Variants in TFRC observed in about 807,000 individuals in gnomAD.
The protein encoded by TFRC is transferrin receptor protein 1.
Under a neutral mutation model 85.8 loss-of-function variants are expected in TFRC, and 35 were observed. The observed-to-expected ratio is 0.41, with a 90% CI of 0.31 to 0.54. TFRC has a LOEUF of 0.54. TFRC is among the 20% of genes least tolerant of loss of function. The pLI, the probability that TFRC is intolerant of heterozygous loss-of-function variation, is 0.31. For missense variants in TFRC, 828 were observed against 921.5 expected (o/e 0.90, Z 1.31); for synonymous variants, 362 against 328.6 (o/e 1.10, Z -1.10).
At chr3:196,072,986 G>T (rs1055514759) in intron 4 of TFRC, 1 of 147,998 alleles carries the variant, frequency 6.8e-6, no homozygotes, top group African/African-American at 2.5e-5. Flanking sequence ...GATCATCTGA[G>T]GTCAGGAGTT....
chr3:196,053,383 T>C, intron 18 of TFRC, 35 bp downstream of exon 18: 3 of 1,612,616 alleles, frequency 1.9e-6, no homozygotes, highest in Non-Finnish European at 2.5e-6. Context: ...ATTTTACACA[T>C]ACTTTAGTTC....
chr3:196,062,538 A>G (rs776047338), intron 13 of TFRC, 44 bp downstream of exon 13: 28 of 1,563,830 alleles, frequency 1.8e-5, no homozygotes, highest in Non-Finnish European at 2.2e-5. Context: ...CATCTCAAAA[A>G]AGTTTACCTG....
chr3:196,080,564 G>A (rs1719083633), intron 1 of TFRC, among the ~76,000 whole-genome samples: 2 of 152,238 alleles, frequency 1.3e-5, no homozygotes, highest in Admixed American at 6.5e-5. Context: ...CTAGCATTGT[G>A]ATCGATTCAG....
rs1303977246 is a variant in TFRC, at chr3:196,071,499, C to CTTAATCT, written c.585-2_585-1insAGATTAA. 1 of 1,613,704 alleles carries CTTAATCT rather than the reference C, an allele frequency of 6.2e-7. No individual in the cohort carries two copies. Among genetic ancestry groups the CTTAATCT allele is most frequent in the Non-Finnish European group, 8.5e-7 (1 of 1,179,810 alleles). Reference sequence around the variant, plus strand: ...AACTATGATCACCGAGTTTTGAGCGCTGTTAAAAAGATTAAGTTAAAATAA... The same window carrying CTTAATCT: ...AACTATGATCACCGAGTTTTGAGCGCTTAATCTTGTTAAAAAGATTAAGTTAAAATAA... On this transcript the variant is annotated splice_acceptor_variant, in intron 5 of 18. Coordinates refer to ENST00000360110, the MANE Select transcript of TFRC (RefSeq NM_001128148.3). LOFTEE classifies it high-confidence loss of function.
At chr3:196,077,866 G>A (rs935727881) in intron 1 of TFRC, among the ~76,000 whole-genome samples, 3 of 152,164 alleles carry the variant, frequency 2.0e-5, no homozygotes, top group Non-Finnish European at 4.4e-5. Context: ...AAGAAATACT[G>A]ATCCTGACTG....
rs1222040064 is a variant in TFRC, at chr3:196,073,987, T to C, written c.377A>G (p.Asp126Gly). The change falls in exon 4 of 19, where the codon GAC becomes GGC. Residue 126 changes from aspartate (D) to glycine (G), a missense_variant. Coordinates refer to ENST00000360110, the MANE Select transcript of TFRC (RefSeq NM_001128148.3). ...TTTCTCCGACAACTTTCTCTTCAGGTCATCCCAATATAAGCGACGTGCTGC... is the reference window on the plus strand; with the variant it reads ...TTTCTCCGACAACTTTCTCTTCAGGCCATCCCAATATAAGCGACGTGCTGC... ...FPAARRLYWD[D>G]LKRKLSEKLD... 1 of 1,614,054 alleles carries C rather than the reference T, an allele frequency of 6.2e-7. No homozygotes were observed. Among genetic ancestry groups the C allele is most frequent in the Non-Finnish European group, 8.5e-7 (1 of 1,180,040 alleles).
Position 196,075,193 on chromosome 3 carries a change from A to G in TFRC, c.204T>C (p.Tyr68=). 1 of 1,614,234 alleles carries G rather than the reference A, an allele frequency of 6.2e-7. No homozygotes were observed. Among genetic ancestry groups the G allele is most frequent in the Non-Finnish European group, 8.5e-7 (1 of 1,180,042 alleles). The change falls in exon 3 of 19, where the codon TAT becomes TAC. Residue 68 remains tyrosine, a synonymous_variant. Transcript: ENST00000360110. The stretch of plus-strand genomic sequence containing the variant: ...AAAAGACGATCACAGCAATAGTCCC[A>G]TAGCAGATACTTCCACTACACCTTT... ...KPKRCSGSIC[Y]GTIAVIVFFL... is the part of the protein sequence containing the mutation.
At chr3:196,053,379 C>T (rs769138131) in intron 18 of TFRC, 39 bp downstream of exon 18, 2 of 1,611,702 alleles carry the variant, frequency 1.2e-6, no homozygotes, top group Non-Finnish European at 1.7e-6. Context: ...GGTTATTTTA[C>T]ACATACTTTA....
intron 11 of TFRC, chr3:196,063,255 A>G (rs1171887903): frequency 1.4e-5 from 3 of 214,118 alleles, no homozygotes; most frequent in Admixed American, 1.1e-4. Context: ...GGAGTTCCTT[A>G]ACTTCTGGAC....
intron 6 of TFRC, 191 bp from the exon 7 acceptor site, chr3:196,069,759 A>G (rs1396039520): frequency 2.1e-6 from 1 of 475,980 alleles, no homozygotes; most frequent in Admixed American, 3.7e-5. Flanking sequence ...TTGGAATAAA[A>G]TCAAGATTTT....
intron 13 of TFRC, among the ~76,000 whole-genome samples, chr3:196,061,783 C>T (rs903813304): frequency 1.3e-5 from 2 of 152,198 alleles, no homozygotes; most frequent in African/African-American, 2.4e-5. Flanking sequence ...ACCACTGCGC[C>T]CAGCCCAAAA....
intron 2 of TFRC, among the ~76,000 whole-genome samples, chr3:196,075,872 TC>T (rs1259826828): frequency 8.1e-6 from 1 of 123,058 alleles, no homozygotes; most frequent in Non-Finnish European, 2.0e-5. Context: ...ATGCCTGTAA[TC>T]CCAGCACTCT....
In TFRC at chr3:196,075,161, A is replaced by G; in HGVS notation, c.236T>C (p.Ile79Thr). The G allele has an allele frequency of 6.2e-7, 1 of 1,614,144 alleles. No individual in the cohort carries two copies. The highest frequency in any genetic ancestry group is 8.5e-7 in the Non-Finnish European group (1 of 1,179,992). The change falls in exon 3 of 19, where the codon ATT becomes ACT. Residue 79 changes from isoleucine to threonine, a missense_variant and splice_region_variant. Transcript: ENST00000360110. ...GTIAVIVFFL[I>T]GFMIGYLGYC... Reference sequence around the variant, plus strand: ...AAGTTTGGAATGGTCATTCTCACCAATCAAGAAAAAGACGATCACAGCAAT... The same window carrying G: ...AAGTTTGGAATGGTCATTCTCACCAGTCAAGAAAAAGACGATCACAGCAAT...
chr3:196,051,710 T>C lies in TFRC; in HGVS notation c.*232A>G, dbSNP rs778879654. 25 of 507,548 alleles carry C rather than the reference T, an allele frequency of 4.9e-5. No homozygotes were observed. Among genetic ancestry groups the C allele is most frequent in the Middle Eastern group, 5.3e-4 (1 of 1,896 alleles). The allele number at this position is 507,548 out of a possible 1,614,324, so 31.4% of individuals were successfully genotyped here. ...TACAAAGCACTTAAAATTCTAGAGA[T>C]AGGGGAATATTCCATCATGGACATT... On this transcript the variant is annotated 3_prime_UTR_variant, in exon 19 of 19. Transcript: ENST00000360110.
chr3:196,071,982 GT>G lies in TFRC; in HGVS notation c.584+20del, dbSNP rs1718248833. 2 of 1,602,758 alleles carry G rather than the reference GT, an allele frequency of 1.2e-6. No homozygotes were observed. Among genetic ancestry groups the G allele is most frequent in the Non-Finnish European group, 1.7e-6 (2 of 1,174,908 alleles). ...AAAATAGCTACTTGTATAAAAATAA[GT>G]TTACCATCTTTCAACATACCTGTCT... On this transcript the variant is annotated intron_variant, in intron 5 of 18. Transcript: ENST00000360110.
Position 196,049,645 on chromosome 3 carries a change from A to T in TFRC, c.*2297T>A, listed in dbSNP as rs1716130409. The T allele has an allele frequency of 4.4e-6, 1 of 227,406 alleles. No homozygotes were observed. The highest frequency in any genetic ancestry group is 8.7e-6 in the Non-Finnish European group (1 of 114,502). 14.1% of individuals were successfully genotyped at this position (227,406 alleles called of 1,614,324 possible). On this transcript the variant is annotated 3_prime_UTR_variant, in exon 19 of 19. Transcript: ENST00000360110. ...AGAAAAGGGTTTTCTGAAGAGACTCACTGCTGCAAAATGCATGCCCTGTAT... is the reference window on the plus strand; with the variant it reads ...AGAAAAGGGTTTTCTGAAGAGACTCTCTGCTGCAAAATGCATGCCCTGTAT...
intron 1 of TFRC, among the ~76,000 whole-genome samples, chr3:196,079,124 C>T (rs1718953409): frequency 6.6e-6 from 1 of 152,102 alleles, no homozygotes; most frequent in African/African-American, 2.4e-5. Flanking sequence ...TCTTTTGCCC[C>T]TTCTGTTACA....
intron 15 of TFRC, 99 bp from the exon 16 acceptor site, chr3:196,058,464 T>A: frequency 1.4e-6 from 2 of 1,470,040 alleles, no homozygotes; most frequent in Non-Finnish European, 1.9e-6. Flanking sequence ...TAGCTGAATA[T>A]CTTTAGGTGT....
intron 16 of TFRC, among the ~76,000 whole-genome samples, chr3:196,056,108 C>T (rs1716770966): frequency 6.6e-6 from 1 of 152,198 alleles, no homozygotes; most frequent in Non-Finnish European, 1.5e-5. Context: ...AATCATGGCT[C>T]CCCACAGCCT....
Sources: gnomAD v4.1 joint callset for allele counts (sites outside exome capture counted in the v4.1 genomes callset) on GRCh38, gnomAD v4.1.1 for gene constraint, MANE v1.5 for transcripts, NCBI Gene and HGNC (gene_info 2026-07-23, HGNC 2026-07-21) for gene names.